The following OR10J1 variants were observed in gnomAD, a reference collection of about 807,000 sequenced individuals.
OR10J1 encodes olfactory receptor 10J1.
For synonymous variants in OR10J1, 202 were observed against 143.8 expected (o/e 1.40, Z -2.89); for missense variants, 474 against 376.6 (o/e 1.26, Z -2.14).
rs780675344 is a variant in OR10J1 at position 159,440,446 on chromosome 1, C to T, written c.655C>T (p.Leu219Phe). Residue 219 changes from leucine (L) to phenylalanine (F), a missense_variant, in exon 1 of 1, where the codon CTC (leucine) becomes TTC (phenylalanine). Physicochemically the swap from Leu to Phe is conservative, Grantham distance 22. Transcript: ENST00000423932. ...PMGLVFISYVLIISTILKIAS... is the reference protein window; with the variant it reads ...PMGLVFISYVFIISTILKIAS... ...GGGTCTGGTTTTCATTTCTTATGTTCTCATTATCTCTACAATCCTCAAGAT... is the reference window on the plus strand; with the variant it reads ...GGGTCTGGTTTTCATTTCTTATGTTTTCATTATCTCTACAATCCTCAAGAT... 6.2e-7 allele frequency: 1 copy of T among 1,614,110 alleles called. No individual in the cohort carries two copies. The highest frequency in any genetic ancestry group is 8.5e-7 in the Non-Finnish European group (1 of 1,180,012).
At chr1:159,412,502 G>A in the OR10J1 span, among the ~76,000 whole-genome samples, 3 of 145,672 alleles carry the variant, frequency 2.1e-5, no homozygotes, top group East Asian at 4.2e-4. Flanking sequence ...TAGATCAACG[G>A]AACAGAACAG....
chr1:159,419,467 T>C, the OR10J1 span, among the ~76,000 whole-genome samples: 2 of 152,188 alleles, frequency 1.3e-5, no homozygotes, highest in Non-Finnish European at 2.9e-5. Flanking sequence ...ATGTAAGACA[T>C]GCCTTTCATT....
chr1:159,433,741 G>A (rs1655655682), upstream of OR10J1, among the ~76,000 whole-genome samples: 1 of 152,116 alleles, frequency 6.6e-6, no homozygotes, highest in Non-Finnish European at 1.5e-5. Context: ...CTTATTTTAG[G>A]CTCTGCTTCT....
the OR10J1 span, among the ~76,000 whole-genome samples, chr1:159,423,835 G>A: frequency 6.6e-6 from 1 of 152,132 alleles, no homozygotes; most frequent in African/African-American, 2.4e-5. Flanking sequence ...AAAACTACTT[G>A]CCATTGTATT....
chr1:159,403,146 C>G, the OR10J1 span, among the ~76,000 whole-genome samples: 1 of 152,122 alleles, frequency 6.6e-6, no homozygotes, highest in South Asian at 2.1e-4. Flanking sequence ...GGGCCTCAAA[C>G]CATGAAACTG....
At chr1:159,424,818 A>G in the OR10J1 span, among the ~76,000 whole-genome samples, 1 of 152,170 alleles carries the variant, frequency 6.6e-6, no homozygotes, top group Non-Finnish European at 1.5e-5. Flanking sequence ...CATCAAGGAA[A>G]ACAGTATTTC....
rs1655928556 is a variant in OR10J1 at position 159,440,893 on chromosome 1, G to C, written c.*172G>C. 4.7e-6 allele frequency: 3 copies of C among 636,824 alleles called. No homozygotes were observed. Among genetic ancestry groups the C allele is most frequent in the Admixed American group, 6.2e-5 (2 of 32,116 alleles). 39.4% of individuals were successfully genotyped at this position (636,824 alleles called of 1,614,324 possible). ...GAAGCTTTAAATAAAGTTACTGGAT[G>C]GAGTGTTATCCCTATTTTTGGGGAT... On this transcript the variant is annotated 3_prime_UTR_variant, in exon 1 of 1. Transcript: ENST00000423932.
At chr1:159,411,308 T>C in the OR10J1 span, among the ~76,000 whole-genome samples, 1 of 152,154 alleles carries the variant, frequency 6.6e-6, no homozygotes, top group Non-Finnish European at 1.5e-5. Context: ...TGTTAAAGTC[T>C]CCCATTTTTA....
At chr1:159,416,019 T>C in the OR10J1 span, among the ~76,000 whole-genome samples, 1 of 152,072 alleles carries the variant, frequency 6.6e-6, no homozygotes, top group Non-Finnish European at 1.5e-5. Context: ...CATTGATTTT[T>C]GTGTGTTGAT....
At chr1:159,413,619 C>A in the OR10J1 span, among the ~76,000 whole-genome samples, 11 of 147,798 alleles carry the variant, frequency 7.4e-5, no homozygotes, top group African/African-American at 2.8e-4. Flanking sequence ...TGTTCTCACT[C>A]ATAGGTCGGA....
In OR10J1 at chr1:159,439,836, A is replaced by AGGTTTCTCTAGCTTCCATG; in HGVS notation, c.46_64dup (p.Glu22GlyfsTer4). 2 of 1,614,180 alleles carry AGGTTTCTCTAGCTTCCATG rather than the reference A, an allele frequency of 1.2e-6. No homozygotes were observed. The highest frequency in any genetic ancestry group is 1.7e-6 in the Non-Finnish European group (2 of 1,180,014). ...CTCTCATCACTGACTTTGTTTTCCA[A>AGGTTTCTCTAGCTTCCATG]GGTTTCTCTAGCTTCCATGAGCAGC... On this transcript the variant is annotated frameshift_variant, in exon 1 of 1. Coordinates refer to ENST00000423932, the MANE Select transcript of OR10J1 (RefSeq NM_012351.3). LOFTEE classifies it low-confidence loss of function (END_TRUNC).
chr1:159,410,172 G>A, the OR10J1 span, among the ~76,000 whole-genome samples: 2 of 152,052 alleles, frequency 1.3e-5, no homozygotes, highest in Admixed American at 6.6e-5. Context: ...TTTTGGTTGT[G>A]TCTCTGCCCG....
chr1:159,416,766 T>C, the OR10J1 span, among the ~76,000 whole-genome samples: 3,661 of 152,184 alleles, frequency 0.024, 160 homozygotes, highest in African/African-American at 0.079. Context: ...TTACTCATTA[T>C]AAGTGTGTTC....
rs765490811 is a variant in OR10J1, at chr1:159,440,147, G to T, written c.356G>T (p.Gly119Val). The change falls in exon 1 of 1, where the codon GGA becomes GTA. Residue 119 changes from glycine to valine, a missense_variant. By Grantham distance (109) the Gly-to-Val change is moderately radical. Coordinates refer to ENST00000423932, the MANE Select transcript of OR10J1 (RefSeq NM_012351.3). Reference sequence around the variant, plus strand: ...AACTGCTTCCTGCTCACAGCAATGGGATATGACCGCTATGTGGCCATCTGC... The same window carrying T: ...AACTGCTTCCTGCTCACAGCAATGGTATATGACCGCTATGTGGCCATCTGC... Reference protein sequence around the residue: ...ITNCFLLTAMGYDRYVAICNP... With the variant: ...ITNCFLLTAMVYDRYVAICNP... 2.4e-5 allele frequency: 38 copies of T among 1,614,026 alleles called. No homozygotes were observed. The highest frequency in any genetic ancestry group is 2.9e-5 in the Non-Finnish European group (34 of 1,180,030).
the OR10J1 span, among the ~76,000 whole-genome samples, chr1:159,416,344 A>G: frequency 2.6e-5 from 4 of 151,968 alleles, no homozygotes; most frequent in African/African-American, 9.7e-5. Context: ...TATTATGCTC[A>G]GGTATGATCT....
chr1:159,416,961 C>T, the OR10J1 span, among the ~76,000 whole-genome samples: 3,638 of 151,702 alleles, frequency 0.024, 160 homozygotes, highest in African/African-American at 0.078. Context: ...TTATTTGGGT[C>T]TTCTCTCTTT....
At chr1:159,433,328 C>G (rs1655640113), upstream of OR10J1, among the ~76,000 whole-genome samples, 1 of 151,870 alleles carries the variant, frequency 6.6e-6, no homozygotes. Context: ...GATGGATTTG[C>G]CAAGTCAGAT....
At chr1:159,439,665 G>A (rs1041045347), upstream of OR10J1, 1 of 1,152,892 alleles carries the variant, frequency 8.7e-7, no homozygotes, top group African/African-American at 1.5e-5. Flanking sequence ...AATCCACTAG[G>A]AAATACATCA....
upstream of OR10J1, among the ~76,000 whole-genome samples, chr1:159,439,377 A>G (rs1000534309): frequency 6.6e-5 from 10 of 152,218 alleles, no homozygotes; most frequent in Non-Finnish European, 1.5e-4. Flanking sequence ...TAATGGGGTA[A>G]AAATAATCCA....
Sources: allele counts gnomAD v4.1 joint callset (sites outside exome capture counted in the v4.1 genomes callset), GRCh38; gene constraint gnomAD v4.1.1; transcripts MANE v1.5; gene names NCBI Gene and HGNC (gene_info 2026-07-23, HGNC 2026-07-21).